The following PNPLA7 variants were observed in gnomAD, a reference collection of about 807,000 sequenced individuals.
PNPLA7 encodes the protein patatin-like phospholipase domain-containing protein 7.
PNPLA7 carries 153 observed loss-of-function variants against 161.7 expected under a neutral mutation model. That is an observed-to-expected ratio of 0.95 (90% CI 0.83 to 1.08). PNPLA7 has a LOEUF of 1.08. Ranked by LOEUF, PNPLA7 falls within the 50% of genes least tolerant of loss-of-function variation. PNPLA7 has a pLI of 0.00. For synonymous variants in PNPLA7, 809 were observed against 782.1 expected (o/e 1.03, Z -0.57); for missense variants, 1,739 against 1,856.6 (o/e 0.94, Z 1.16).
At chr9:137,469,247 T>C (rs1330026852) in intron 25 of PNPLA7, among the ~76,000 whole-genome samples, 1 of 152,212 alleles carries the variant, frequency 6.6e-6, no homozygotes, top group Non-Finnish European at 1.5e-5. Flanking sequence ...AGTCACTGAA[T>C]CATGAAGCAT....
In PNPLA7 at chr9:137,486,105, G is replaced by A. The variant is rs1564299317; in HGVS notation, c.2198-1369C>T. ...CAGCCCTCTCACAGGCTGTCCCCTG[G>A]CCTATGTCTCCCGTCCCCAGTGAGG... On this transcript the variant is annotated intron_variant, in intron 20 of 34. Transcript: ENST00000406427. The surrounding 1 kb of genome is among the most constrained non-coding windows in gnomAD (Gnocchi z 6.0). 6.6e-6 allele frequency among the ~76,000 whole-genome samples: 1 copy of A among 151,954 alleles called. No individual in the cohort carries two copies. The highest frequency in any genetic ancestry group is 2.1e-4 in the South Asian group (1 of 4,816).
intron 21 of PNPLA7, among the ~76,000 whole-genome samples, chr9:137,481,740 A>G (rs149087104): frequency 0.012 from 1,892 of 152,302 alleles, 21 homozygotes; most frequent in Non-Finnish European, 0.02. Flanking sequence ...AGGGATCACG[A>G]GGTCAGGAGA....
intron 14 of PNPLA7, among the ~76,000 whole-genome samples, chr9:137,504,168 GGAA>G (rs1833783668): frequency 2.0e-5 from 3 of 147,932 alleles, no homozygotes; most frequent in South Asian, 2.1e-4. Flanking sequence ...AGAAGAAGAC[GGAA>G]GAAGAAGGAA....
chr9:137,545,533 G>A (rs963706845), intron 4 of PNPLA7, among the ~76,000 whole-genome samples: 1 of 152,348 alleles, frequency 6.6e-6, no homozygotes, highest in Non-Finnish European at 1.5e-5. Flanking sequence ...TGAGCGGCAA[G>A]CGACTGAGGG....
Position 137,520,180 on chromosome 9 carries a change from G to C in PNPLA7, c.958-137C>G. 7.8e-7 allele frequency: 1 copy of C among 1,282,118 alleles called. No homozygotes were observed. Among genetic ancestry groups the C allele is most frequent in the Non-Finnish European group, 1.1e-6 (1 of 931,404 alleles). The allele number at this position is 1,282,118 out of a possible 1,614,324, so 79.4% of individuals were successfully genotyped here. A position where few individuals can be genotyped will look rare whatever the true frequency, so the allele number is the denominator to read the frequency against. On this transcript the variant is annotated intron_variant, in intron 10 of 34. Coordinates refer to ENST00000406427, the MANE Select transcript of PNPLA7 (RefSeq NM_001098537.3). The surrounding 1 kb of genome is among the most constrained non-coding windows in gnomAD (Gnocchi z 5.2). Reference sequence around the variant, plus strand: ...TGTGGGCCCCTCAAAGGTGTGACAGGTGTGGGACTCTCAAAGGTGTGACAG... The same window carrying C: ...TGTGGGCCCCTCAAAGGTGTGACAGCTGTGGGACTCTCAAAGGTGTGACAG...
chr9:137,502,349 C>T (rs1304953022), intron 14 of PNPLA7, among the ~76,000 whole-genome samples: 1 of 152,082 alleles, frequency 6.6e-6, no homozygotes, highest in Non-Finnish European at 1.5e-5. Context: ...AAGCCCCACC[C>T]AGCATCTTTG....
Position 137,462,473 on chromosome 9 carries a change from G to A in PNPLA7, c.3493-142C>T, listed in dbSNP as rs890919399. ...GGAGAGGGTAGCAGCACCCGGCCGG[G>A]GGTCCTCCCTGCGGGCTGCCACAGC... On this transcript the variant is annotated intron_variant, in intron 30 of 34. Coordinates refer to ENST00000406427, the MANE Select transcript of PNPLA7 (RefSeq NM_001098537.3). The A allele has an allele frequency of 4.2e-6, 6 of 1,425,346 alleles. No homozygotes were observed. In the South Asian group the frequency reaches 7.1e-5, roughly 17 times the overall value. 88.3% of individuals were successfully genotyped at this position (1,425,346 alleles called of 1,614,324 possible).
Position 137,479,142 on chromosome 9 carries a change from A to C in PNPLA7, c.2677T>G (p.Trp893Gly), listed in dbSNP as rs573345550. ...EGPAPARTVE[W>G]LNMRSWCSGH... ...GAGCACCAGCTCCGCATGTTGAGCC[A>C]CTCCACGGTGCGCGCTGGCGCCGGG... Residue 893 changes from tryptophan (W) to glycine (G), a missense_variant, in exon 24 of 35, where the codon TGG (tryptophan) becomes GGG (glycine). Physicochemically the swap from Trp to Gly is radical, Grantham distance 184 (BLOSUM62 -2). Around this residue, in one of 6 missense-constraint regions of PNPLA7, gnomAD observed 703 missense variants for 694.6 expected, o/e 1.01. Coordinates refer to ENST00000406427, the MANE Select transcript of PNPLA7 (RefSeq NM_001098537.3). 80 of 1,590,756 alleles carry C rather than the reference A, an allele frequency of 5.0e-5. No individual in the cohort carries two copies. The South Asian group carries it at 8.1e-4, about 16-fold the overall frequency.
At chr9:137,548,202 G>A (rs180921619) in intron 1 of PNPLA7, among the ~76,000 whole-genome samples, 5 of 152,338 alleles carry the variant, frequency 3.3e-5, no homozygotes, top group African/African-American at 1.2e-4. Context: ...AGGATGGTGA[G>A]TGAACGACAG....
intron 1 of PNPLA7, among the ~76,000 whole-genome samples, chr9:137,549,045 G>A (rs1000300180): frequency 3.3e-5 from 5 of 152,232 alleles, no homozygotes; most frequent in African/African-American, 9.6e-5. Context: ...GGCCTATCAC[G>A]CGATGGCCCG....
intron 21 of PNPLA7, among the ~76,000 whole-genome samples, chr9:137,483,700 A>G (rs1257821667): frequency 2.6e-5 from 4 of 151,020 alleles, no homozygotes; most frequent in Non-Finnish European, 5.9e-5. Flanking sequence ...CAAGTGATCC[A>G]CCCGCCTCGG....
intron 23 of PNPLA7, chr9:137,479,439 T>C: frequency 7.8e-7 from 1 of 1,284,320 alleles, no homozygotes; most frequent in Non-Finnish European, 9.8e-7. Flanking sequence ...CACTGTGTGC[T>C]GGGCAAGGTC....
rs937386833 is a variant in PNPLA7, at chr9:137,500,973, C to T, written c.1552-77G>A. On this transcript the variant is annotated intron_variant, in intron 15 of 34. Transcript: ENST00000406427. This position sits in a 1 kb window ranked among gnomAD's most constrained non-coding sequence, Gnocchi z 5.5. ...GGGGCAGCTCTGGGCCCAGAGCGGA[C>T]GATGCCACCAGGCTCAGCCGGGAGA... The T allele has an allele frequency of 8.2e-5, 111 of 1,352,134 alleles. No individual in the cohort carries two copies. The highest frequency in any genetic ancestry group is 3.9e-4 in the African/African-American group (27 of 69,102). The allele number at this position is 1,352,134 out of a possible 1,614,324, so 83.8% of individuals were successfully genotyped here.
intron 11 of PNPLA7, among the ~76,000 whole-genome samples, chr9:137,519,581 T>A (rs1281875141): frequency 1.3e-5 from 2 of 150,716 alleles, no homozygotes; most frequent in African/African-American, 4.9e-5. Flanking sequence ...CCTGGGGAGG[T>A]CTGAGGACAT....
Position 137,462,399 on chromosome 9 carries a change from G to A in PNPLA7, c.3493-68C>T, listed in dbSNP as rs530169661. ...ACCCCGTCCCAGCCTGGCCCGTGGC[G>A]CAGGACAGGTTCTGGGGACCCATCC... On this transcript the variant is annotated intron_variant, in intron 30 of 34. Transcript: ENST00000406427. The A allele has an allele frequency of 1.9e-5, 29 of 1,529,846 alleles. No homozygotes were observed. In the South Asian group the frequency reaches 2.9e-4, roughly 16 times the overall value. 94.8% of individuals were successfully genotyped at this position (1,529,846 alleles called of 1,614,324 possible).
chr9:137,532,464 GCTTATCTTTGTCCC>G (rs1835629985), intron 8 of PNPLA7, among the ~76,000 whole-genome samples: 1 of 152,148 alleles, frequency 6.6e-6, no homozygotes, highest in African/African-American at 2.4e-5. Context: ...GAAGGTAAAT[GCTTATCTTTGTCCC>G]CTTGTGGAAT....
intron 19 of PNPLA7, 93 bp downstream of exon 19, chr9:137,494,940 C>G (rs1832968092): frequency 1.7e-6 from 2 of 1,192,526 alleles, no homozygotes; most frequent in African/African-American, 3.0e-5. Flanking sequence ...CTCACCTGCT[C>G]TGTGCCCTCA....
chr9:137,478,745 C>A, intron 24 of PNPLA7: 1 of 301,576 alleles, frequency 3.3e-6, no homozygotes, highest in East Asian at 6.8e-5. Flanking sequence ...ACTGAGCCCC[C>A]CTGACGTCAG....
chr9:137,470,054 C>T (rs1272304430), intron 25 of PNPLA7, among the ~76,000 whole-genome samples: 1 of 152,140 alleles, frequency 6.6e-6, no homozygotes, highest in Non-Finnish European at 1.5e-5. Context: ...TAGACAGGGT[C>T]TAGCTCTCAC....
Sources: allele counts gnomAD v4.1 joint callset (sites outside exome capture counted in the v4.1 genomes callset), GRCh38; gene constraint gnomAD v4.1.1; regional missense constraint gnomAD v4.1.1; non-coding constraint Gnocchi (gnomAD v3.1); transcripts MANE v1.5; gene names NCBI Gene and HGNC (gene_info 2026-07-23, HGNC 2026-07-21).